DNAH9: variants seen among roughly 807,000 people sequenced by gnomAD.
DNAH9 encodes DNAH9 variant protein.
DNAH9 carries 345 observed loss-of-function variants against 471.6 expected under a neutral mutation model. That is an observed-to-expected ratio of 0.73 (90% CI 0.67 to 0.80). The LOEUF (loss-of-function observed/expected upper bound fraction) is 0.80. DNAH9 is among the 30% of genes least tolerant of loss of function. DNAH9 has a pLI of 0.00. For synonymous variants in DNAH9, 2,093 were observed against 2,123.6 expected, an observed-to-expected ratio of 0.99 and a Z score of 0.40; for missense variants, 5,407 against 5,609.2, an observed-to-expected ratio of 0.96 and a Z score of 1.15.
rs141141277 is a variant in DNAH9, at chr17:11,611,707, G to C, written c.831G>C (p.Met277Ile). Reference sequence around the variant, plus strand: ...TGAGAACAATAACGGTGAGGGGCATGGCCAAGCTCCTGGACAAGCTTCAGA... The same window carrying C: ...TGAGAACAATAACGGTGAGGGGCATCGCCAAGCTCCTGGACAAGCTTCAGA... ...NQLRTITVRGMAKLLDKLQSS... is the reference protein window; with the variant it reads ...NQLRTITVRGIAKLLDKLQSS... The change falls in exon 4 of 69, where the codon ATG (methionine) becomes ATC (isoleucine). Residue 277 changes from methionine to isoleucine, a missense_variant. Around this residue, in one of 3 missense-constraint regions of DNAH9, gnomAD observed 767 missense variants for 692.5 expected, o/e 1.11. Coordinates refer to ENST00000262442, the MANE Select transcript of DNAH9 (RefSeq NM_001372.4). 7 of 1,613,808 alleles carry C rather than the reference G, an allele frequency of 4.3e-6. No homozygotes were observed. The African/African-American group carries it at 9.3e-5, about 22-fold the overall frequency.
At chr17:11,806,667 T>G (rs202091010) in intron 43 of DNAH9, among the ~76,000 whole-genome samples, 2 of 50,100 alleles carry the variant, frequency 4.0e-5, no homozygotes, top group Non-Finnish European at 7.4e-5. Context: ...AAACAATGTA[T>G]GTACATATAT....
chr17:11,787,561 T>A (rs188040435), intron 41 of DNAH9, among the ~76,000 whole-genome samples: 85 of 152,336 alleles, frequency 5.6e-4, no homozygotes, highest in Middle Eastern at 3.4e-3. Flanking sequence ...TTTTCCTTTA[T>A]CTGGCTTGAT....
At chr17:11,824,662 A>T (rs535994541) in intron 48 of DNAH9, among the ~76,000 whole-genome samples, 93 of 152,326 alleles carry the variant, frequency 6.1e-4, no homozygotes, top group African/African-American at 2.2e-3. Flanking sequence ...GGCTTGCAAT[A>T]AAGACTTTAA....
chr17:11,615,299 G>A (rs936561370), intron 4 of DNAH9, among the ~76,000 whole-genome samples: 1 of 152,088 alleles, frequency 6.6e-6, no homozygotes, highest in Non-Finnish European at 1.5e-5. Context: ...AAAGGTATGA[G>A]CTCGGCTGGG....
At chr17:11,958,932 G>A (rs1024960414) in intron 67 of DNAH9, among the ~76,000 whole-genome samples, 7 of 152,030 alleles carry the variant, frequency 4.6e-5, no homozygotes, top group African/African-American at 1.2e-4. Context: ...AATATATCAT[G>A]GCTAAATGCG....
chr17:11,774,220 C>CTAGT (rs1555589300), intron 38 of DNAH9, among the ~76,000 whole-genome samples: 1 of 151,780 alleles, frequency 6.6e-6, no homozygotes, highest in African/African-American at 2.4e-5. Context: ...CCCTTATTAA[C>CTAGT]TAGAGTACTA....
intron 19 of DNAH9, among the ~76,000 whole-genome samples, chr17:11,689,036 A>C (rs1166716765): frequency 6.6e-6 from 1 of 152,050 alleles, no homozygotes; most frequent in Non-Finnish European, 1.5e-5. Context: ...CAGAGTTTGC[A>C]GTGAGCCGAG....
chr17:11,908,661 C>T (rs900466694), intron 61 of DNAH9, among the ~76,000 whole-genome samples: 2 of 152,216 alleles, frequency 1.3e-5, no homozygotes, highest in African/African-American at 4.8e-5. Flanking sequence ...AAACATTCCA[C>T]ATCAAACGAA....
chr17:11,758,719 CCCTGAAAAATCCACTCACGTTCAAAGT>C (rs1967515083), intron 35 of DNAH9, among the ~76,000 whole-genome samples: 1 of 152,166 alleles, frequency 6.6e-6, no homozygotes, highest in Admixed American at 6.5e-5. Flanking sequence ...CCGCCCCACA[CCCTGAAAAATCCACTCACGTTCAAAGT>C]GAATTTTGTA....
chr17:11,916,681 T>A (rs1973970126), intron 61 of DNAH9, among the ~76,000 whole-genome samples: 1 of 152,368 alleles, frequency 6.6e-6, no homozygotes, highest in East Asian at 1.9e-4. Flanking sequence ...GTTTAGACTC[T>A]TAAAAAGCTT....
chr17:11,908,520 ATTC>A (rs934876815), intron 61 of DNAH9, among the ~76,000 whole-genome samples: 3 of 152,204 alleles, frequency 2.0e-5, no homozygotes, highest in African/African-American at 7.2e-5. Flanking sequence ...TACGGAGGTA[ATTC>A]TTCTTAGTAT....
chr17:11,817,627 A>G (rs1970147777), intron 45 of DNAH9, among the ~76,000 whole-genome samples: 1 of 152,210 alleles, frequency 6.6e-6, no homozygotes, highest in Non-Finnish European at 1.5e-5. Context: ...AACTTCACAT[A>G]ATTTCCACAT....
At chr17:11,811,860 A>G (rs971384729) in intron 45 of DNAH9, among the ~76,000 whole-genome samples, 8 of 149,980 alleles carry the variant, frequency 5.3e-5, no homozygotes, top group East Asian at 3.9e-4. Flanking sequence ...GAGACTGCAA[A>G]AGGCCTGTAA....
At position 11,757,641 on chromosome 17, in the gene DNAH9, C is replaced by T. The variant is rs563753086; in HGVS notation, c.6944C>T (p.Thr2315Ile). ...ATCCAGACAGAGAGAGCCAACTTAA[C>T]CATTTTGTTCGACAAGTATCTTCCA... ...REIQTERANL[T>I]ILFDKYLPTC... The change falls in exon 35 of 69, where the codon ACC (threonine) becomes ATC (isoleucine). Residue 2315 changes from threonine to isoleucine, a missense_variant. This residue lies in a region of DNAH9 where 4,636 missense variants were observed against 4,900.3 expected (regional missense o/e 0.95). Coordinates refer to ENST00000262442, the MANE Select transcript of DNAH9 (RefSeq NM_001372.4). 9.9e-6 allele frequency: 16 copies of T among 1,614,150 alleles called. No individual in the cohort carries two copies. Among genetic ancestry groups the T allele is most frequent in the Middle Eastern group, 1.7e-4 (1 of 6,054 alleles).
chr17:11,886,051 G>A (rs773949322), intron 56 of DNAH9, among the ~76,000 whole-genome samples: 5 of 152,142 alleles, frequency 3.3e-5, no homozygotes, highest in Admixed American at 6.5e-5. Flanking sequence ...GGCTGGGCGC[G>A]GTGGCTCACG....
At position 11,854,226 on chromosome 17, in the gene DNAH9, A is replaced by G; in HGVS notation, c.9731A>G (p.Tyr3244Cys). ...HENCLKAIRPYLQDPEFNPEF... is the reference protein window; with the variant it reads ...HENCLKAIRPCLQDPEFNPEF... ...AACTGCCTCAAAGCCATCAGGCCGTATCTGCAAGACCCCGAGTTCAATCCT... is the reference window on the plus strand; with the variant it reads ...AACTGCCTCAAAGCCATCAGGCCGTGTCTGCAAGACCCCGAGTTCAATCCT... Residue 3244 changes from tyrosine to cysteine, a missense_variant, in exon 50 of 69, where the codon TAT becomes TGT. Coordinates refer to ENST00000262442, the MANE Select transcript of DNAH9 (RefSeq NM_001372.4). 6.2e-7 allele frequency: 1 copy of G among 1,614,234 alleles called. No homozygotes were observed. The highest frequency in any genetic ancestry group is 8.5e-7 in the Non-Finnish European group (1 of 1,180,048).
At chr17:11,730,462 A>G (rs1242042390) in intron 28 of DNAH9, among the ~76,000 whole-genome samples, 3 of 152,206 alleles carry the variant, frequency 2.0e-5, no homozygotes, top group Non-Finnish European at 1.5e-5. Context: ...GATTTTTATA[A>G]GAAATCAAAT....
rs138009596 is a variant in DNAH9, at chr17:11,768,546, A to G, written c.7264A>G (p.Ile2422Val). The change falls in exon 37 of 69, where the codon ATC (isoleucine) becomes GTC (valine). Residue 2422 changes from isoleucine (I) to valine (V), a missense_variant. Ile to Val is a conservative substitution (Grantham distance 29). Around this residue, in one of 3 missense-constraint regions of DNAH9, gnomAD observed 4,636 missense variants for 4,900.3 expected, o/e 0.95. Coordinates refer to ENST00000262442, the MANE Select transcript of DNAH9 (RefSeq NM_001372.4). ...PSQGTIFDYY[I>V]DPETKKFEPW... ...CCAAGGAACCATCTTTGACTATTAC[A>G]TCGACCCAGAGACCAAGAAATTCGA... 246 of 1,614,162 alleles carry G rather than the reference A, an allele frequency of 1.5e-4. No individual in the cohort carries two copies. In the East Asian group the frequency reaches 5.4e-3, roughly 36 times the overall value.
intron 59 of DNAH9, among the ~76,000 whole-genome samples, chr17:11,898,782 A>G (rs539867037): frequency 1.3e-5 from 2 of 152,372 alleles, no homozygotes; most frequent in South Asian, 4.1e-4. Flanking sequence ...CATAAGGAAT[A>G]AATGATTCAC....
Sources: allele counts gnomAD v4.1 joint callset (sites outside exome capture counted in the v4.1 genomes callset), GRCh38; gene constraint gnomAD v4.1.1; regional missense constraint gnomAD v4.1.1; transcripts MANE v1.5; gene names NCBI Gene and HGNC (gene_info 2026-07-23, HGNC 2026-07-21).